Variants in SH2D6 observed in about 807,000 individuals in gnomAD.
SH2D6 encodes SH2 domain containing 6.
SH2D6 carries 31 observed loss-of-function variants against 30.2 expected under a neutral mutation model. That is an observed-to-expected ratio of 1.03 (90% CI 0.77 to 1.38). The LOEUF (loss-of-function observed/expected upper bound fraction) is 1.38, where lower values mean the gene tolerates loss of function less well. Among genes scored for constraint, SH2D6 ranks in the 40% most tolerant of loss-of-function variants. The pLI, the probability that SH2D6 is intolerant of heterozygous loss-of-function variation, is 0.00. For missense variants in SH2D6, 240 were observed against 266.8 expected, an observed-to-expected ratio of 0.90 and a Z score of 0.70; for synonymous variants, 93 against 104.6, an observed-to-expected ratio of 0.89 and a Z score of 0.68.
intron 14 of SH2D6, 60 bp from the exon 15 acceptor site, chr2:85,433,039 G>A (rs1033444716): frequency 5.1e-6 from 5 of 985,790 alleles, no homozygotes; most frequent in Non-Finnish European, 6.0e-6. Context: ...CCTCAGTCCC[G>A]CTGAATTCCT....
intron 19 of SH2D6, 91 bp downstream of exon 19, chr2:85,434,588 C>T: frequency 7.0e-7 from 1 of 1,433,078 alleles, no homozygotes; most frequent in East Asian, 2.5e-5. Context: ...ACCCTTTCCC[C>T]ACTTCTCACT....
intron 5 of SH2D6, among the ~76,000 whole-genome samples, chr2:85,423,034 C>T (rs1317958719): frequency 1.3e-5 from 2 of 151,416 alleles, no homozygotes; most frequent in East Asian, 2.0e-4. Flanking sequence ...ATTACAGGCG[C>T]GTGCCACCAC....
At chr2:85,423,603 A>T (rs1687834668) in intron 5 of SH2D6, among the ~76,000 whole-genome samples, 3 of 152,208 alleles carry the variant, frequency 2.0e-5, no homozygotes, top group Non-Finnish European at 4.4e-5. Flanking sequence ...CAAAGCTCTG[A>T]AACTGTGGCA....
intron 2 of SH2D6, among the ~76,000 whole-genome samples, chr2:85,421,182 T>C (rs1687736580): frequency 6.6e-6 from 1 of 151,824 alleles, no homozygotes; most frequent in Admixed American, 6.6e-5. Context: ...AGGGAGAGTG[T>C]AGGGGAGGAA....
chr2:85,429,665 C>A (rs62162757), intron 9 of SH2D6, 53 bp downstream of exon 9: 37,452 of 152,546 alleles, frequency 0.25, 5,084 homozygotes, highest in Non-Finnish European at 0.32. Context: ...CTCTCTCTAC[C>A]CCTCCTCTCC....
At chr2:85,435,266 C>G (rs1444334194) in intron 20 of SH2D6, 143 bp downstream of exon 20, 5 of 1,244,852 alleles carry the variant, frequency 4.0e-6, no homozygotes, top group Non-Finnish European at 5.7e-6. Flanking sequence ...CGCCGTGCCC[C>G]AGACAGGGAC....
intron 19 of SH2D6, 106 bp downstream of exon 19, chr2:85,434,603 C>T: frequency 2.3e-6 from 3 of 1,285,328 alleles, no homozygotes; most frequent in Middle Eastern, 2.4e-4. Context: ...CTCACTACTG[C>T]ACTTGACTAG....
rs1558762822 is a variant in SH2D6, at chr2:85,433,579, C to G, written c.402C>G (p.Gly134=). The change falls in exon 16 of 24, where the codon GGC becomes GGG. Residue 134 remains glycine, a synonymous_variant. Coordinates refer to ENST00000469800, the MANE Select transcript of SH2D6 (RefSeq NM_001394463.1). ...ACCCCTCCCTACCTTAGGTGCCAGG[C>G]CCTCCAAAGAAACCTGATGAGGACC... ...EQGASSRVVP[G]PPKKPDEDLY... 5.0e-6 allele frequency: 5 copies of G among 999,218 alleles called. No homozygotes were observed. Among genetic ancestry groups the G allele is most frequent in the Non-Finnish European group, 3.6e-6 (3 of 838,528 alleles). The allele number at this position is 999,218 out of a possible 1,614,324, so 61.9% of individuals were successfully genotyped here.
In SH2D6 at chr2:85,423,520, A is replaced by G. The variant is rs558066926; in HGVS notation, c.-309+830A>G. Among the ~76,000 whole-genome samples, 6 of 152,316 alleles carry G rather than the reference A, an allele frequency of 3.9e-5. No individual in the cohort carries two copies. The East Asian group carries it at 1.2e-3, about 29-fold the overall frequency. On this transcript the variant is annotated intron_variant, in intron 5 of 23. Coordinates refer to ENST00000469800, the MANE Select transcript of SH2D6 (RefSeq NM_001394463.1). ...AGTGCTGGGGTTAGAGGTGTGAGCCACTGCACCTGGCCAACAAACTACACA... is the reference window on the plus strand; with the variant it reads ...AGTGCTGGGGTTAGAGGTGTGAGCCGCTGCACCTGGCCAACAAACTACACA...
chr2:85,427,668 G>A lies in SH2D6; in HGVS notation c.-208-916G>A, dbSNP rs987427256. Among the ~76,000 whole-genome samples the A allele has an allele frequency of 1.3e-4, 20 of 152,240 alleles. 1 individual carries two copies. Among genetic ancestry groups the A allele is most frequent in the African/African-American group, 4.6e-4 (19 of 41,464 alleles). ...GAGGTCCCCTTGGGTGAGGGAAGTT[G>A]CCGCCTGCCTTATGGTTCAAATGTG... On this transcript the variant is annotated intron_variant, in intron 6 of 23. Transcript: ENST00000469800.
At chr2:85,419,787 C>T (rs1322198346) in intron 2 of SH2D6, among the ~76,000 whole-genome samples, 2 of 152,184 alleles carry the variant, frequency 1.3e-5, no homozygotes, top group African/African-American at 4.8e-5. Context: ...CGAGCTACTT[C>T]CTAGAAATAT....
intron 7 of SH2D6, among the ~76,000 whole-genome samples, 188 bp downstream of exon 7, chr2:85,428,885 A>G (rs1281397629): frequency 6.6e-6 from 1 of 152,190 alleles, no homozygotes; most frequent in Non-Finnish European, 1.5e-5. Flanking sequence ...TCATTTTCCT[A>G]CGGCATCTTC....
rs1689098611 is a variant in SH2D6 at position 85,434,118 on chromosome 2, G to GC, written c.533+11dup. On this transcript the variant is annotated splice_region_variant and intron_variant, in intron 17 of 23. Transcript: ENST00000469800. ...GGACATCAGTGGTGCCCAGGTAAGT[G>GC]CCCCACCAGGTGTGCACCTGTGTGT... The GC allele has an allele frequency of 6.4e-7, 1 of 1,550,394 alleles. No homozygotes were observed. Among genetic ancestry groups the GC allele is most frequent in the African/African-American group, 1.4e-5 (1 of 73,174 alleles).
At chr2:85,436,330 C>A in intron 22 of SH2D6, 136 bp from the exon 23 acceptor site, 1 of 660,140 alleles carries the variant, frequency 1.5e-6, no homozygotes, top group Non-Finnish European at 2.7e-6. Flanking sequence ...GGCAGTGGAG[C>A]GGCATGGGGC....
At position 85,434,984 on chromosome 2, in the gene SH2D6, C is replaced by T. The variant is rs1558765472; in HGVS notation, c.590-81C>T. ...TACGCCTCCTCCTACCCCCCACCCC[C>T]GCAGCTGTCCCCTAGAAGCCACCTT... is the stretch of plus-strand genomic sequence containing the variant. On this transcript the variant is annotated intron_variant, in intron 19 of 23. Transcript: ENST00000469800. The T allele has an allele frequency of 1.5e-5, 23 of 1,559,720 alleles. No homozygotes were observed. Among genetic ancestry groups the T allele is most frequent in the South Asian group, 4.7e-5 (4 of 85,318 alleles).
At chr2:85,434,978 C>G in intron 19 of SH2D6, 87 bp from the exon 20 acceptor site, 2 of 1,574,418 alleles carry the variant, frequency 1.3e-6, no homozygotes, top group South Asian at 1.2e-5. Context: ...TCCTACCCCC[C>G]ACCCCCGCAG....
chr2:85,435,433 G>T lies in SH2D6; in HGVS notation c.669G>T (p.Gln223His), dbSNP rs1219348541. Residue 223 changes from glutamine to histidine, a missense_variant, in exon 21 of 24, where the codon CAG becomes CAT. Transcript: ENST00000469800. ...SAAEDSDLLTQPWYSGNCDRY... is the reference protein window; with the variant it reads ...SAAEDSDLLTHPWYSGNCDRY... ...CACAGGACAGTGATCTGCTGACTCA[G>T]CCTTGGTACTCGGGGAACTGTGACC... 26 of 1,613,904 alleles carry T rather than the reference G, an allele frequency of 1.6e-5. No homozygotes were observed. The highest frequency in any genetic ancestry group is 2.1e-5 in the Non-Finnish European group (25 of 1,179,978).
intron 19 of SH2D6, chr2:85,434,725 G>A: frequency 7.0e-7 from 1 of 1,431,988 alleles, no homozygotes; most frequent in East Asian, 2.5e-5. Context: ...ACTCCCTCAG[G>A]CCCCAAGTTA....
intron 16 of SH2D6, 45 bp downstream of exon 16, chr2:85,433,676 C>T (rs993246608): frequency 9.6e-7 from 1 of 1,037,410 alleles, no homozygotes. Flanking sequence ...CCGAGGCCCT[C>T]AGCTGCTCAC....
Sources: allele counts gnomAD v4.1 joint callset (sites outside exome capture counted in the v4.1 genomes callset), GRCh38; gene constraint gnomAD v4.1.1; transcripts MANE v1.5; gene names NCBI Gene and HGNC (gene_info 2026-07-23, HGNC 2026-07-21).